The following WWC2 variants were observed in gnomAD, a reference collection of about 807,000 sequenced individuals.
The protein encoded by WWC2 is protein WWC2.
Under a neutral mutation model 138.5 loss-of-function variants are expected in WWC2, and 101 were observed. That is an observed-to-expected ratio of 0.73 (90% CI 0.62 to 0.86). The LOEUF is 0.86. WWC2 is among the 40% of genes least tolerant of loss of function. The probability of loss-of-function intolerance (pLI) is 0.00; values close to 1 mark genes in which losing one functional copy is unlikely to be tolerated. For missense variants in WWC2, 1,420 were observed against 1,419.4 expected (o/e 1.00, Z -0.01); for synonymous variants, 558 against 538.4 (o/e 1.04, Z -0.50).
intron 1 of WWC2, among the ~76,000 whole-genome samples, chr4:183,118,033 C>T (rs879754284): frequency 1.5e-4 from 22 of 151,334 alleles, no homozygotes; most frequent in Admixed American, 2.6e-4. Context: ...CTGCTGACTT[C>T]GTGATCCACC....
At chr4:183,213,530 T>C (rs1735667927) in intron 4 of WWC2, among the ~76,000 whole-genome samples, 1 of 152,236 alleles carries the variant, frequency 6.6e-6, no homozygotes, top group Admixed American at 6.5e-5. Flanking sequence ...GTTGTTTTAC[T>C]GAATTAGTAC....
At chr4:183,288,852 T>G (rs1300214395) in intron 20 of WWC2, among the ~76,000 whole-genome samples, 2 of 152,338 alleles carry the variant, frequency 1.3e-5, no homozygotes, top group East Asian at 3.9e-4. Flanking sequence ...ACTGTCCAGC[T>G]GTATTCAGGC....
At chr4:183,154,787 A>C (rs1389625400) in intron 1 of WWC2, among the ~76,000 whole-genome samples, 1 of 152,180 alleles carries the variant, frequency 6.6e-6, no homozygotes, top group African/African-American at 2.4e-5. Context: ...GATAGTAGAT[A>C]TGCCGTATAG....
At chr4:183,161,884 T>C (rs545247866) in intron 1 of WWC2, among the ~76,000 whole-genome samples, 3 of 152,312 alleles carry the variant, frequency 2.0e-5, no homozygotes, top group African/African-American at 7.2e-5. Flanking sequence ...AACATATAAC[T>C]GTAGTTGACT....
At position 183,188,865 on chromosome 4, in the gene WWC2, C is replaced by T. The variant is rs375040665; in HGVS notation, c.132-4734C>T. Among the ~76,000 whole-genome samples the T allele has an allele frequency of 1.8e-4, 27 of 151,622 alleles. 1 individual carries two copies. In the South Asian group the frequency reaches 2.5e-3, roughly 14 times the overall value. On this transcript the variant is annotated intron_variant, in intron 1 of 22. Coordinates refer to ENST00000403733, the MANE Select transcript of WWC2 (RefSeq NM_024949.6). The stretch of plus-strand genomic sequence containing the variant: ...TTCACCAAGTTGGCCAGGCTGGTCT[C>T]GAACTCCTGACCTCAGGTGATCCGT...
chr4:183,293,291 T>C (rs944765178), intron 21 of WWC2, among the ~76,000 whole-genome samples: 1 of 152,164 alleles, frequency 6.6e-6, no homozygotes, highest in Non-Finnish European at 1.5e-5. Flanking sequence ...ATTAAAAAAA[T>C]ACATGTTGAC....
At chr4:183,164,339 A>G (rs1283662518) in intron 1 of WWC2, among the ~76,000 whole-genome samples, 1 of 816 alleles carries the variant, frequency 1.2e-3, no homozygotes, top group Non-Finnish European at 3.6e-3. Flanking sequence ...ATATATATAC[A>G]TATATATATT....
At chr4:183,299,508 C>T (rs11732891) in intron 21 of WWC2, among the ~76,000 whole-genome samples, 100,820 of 152,096 alleles carry the variant, frequency 0.66, 34,381 homozygotes, top group Non-Finnish European at 0.75. Flanking sequence ...TCTGTGGATA[C>T]ATAAACTGTT....
At position 183,319,390 on chromosome 4, in the gene WWC2, A is replaced by T; in HGVS notation, c.*3661A>T. ...ATTGATTTTGGTCTCAGACTAGAAG[A>T]TAAAAATGGTTTACCAGTCTTGGAA... On this transcript the variant is annotated 3_prime_UTR_variant, in exon 23 of 23. Transcript: ENST00000403733. 1 of 753,396 alleles carries T rather than the reference A, an allele frequency of 1.3e-6. No homozygotes were observed. Among genetic ancestry groups the T allele is most frequent in the Non-Finnish European group, 2.2e-6 (1 of 463,254 alleles). 46.7% of individuals were successfully genotyped at this position (753,396 alleles called of 1,614,324 possible). A position where few individuals can be genotyped will look rare whatever the true frequency, so the allele number is the denominator to read the frequency against.
At chr4:183,308,251 A>G (rs964458265) in intron 21 of WWC2, among the ~76,000 whole-genome samples, 2 of 152,202 alleles carry the variant, frequency 1.3e-5, no homozygotes, top group African/African-American at 4.8e-5. Flanking sequence ...AAAATATTCT[A>G]TGTTTATGTA....
chr4:183,152,559 C>T (rs1014314778), intron 1 of WWC2, among the ~76,000 whole-genome samples: 36 of 149,194 alleles, frequency 2.4e-4, no homozygotes, highest in Middle Eastern at 3.5e-3. Flanking sequence ...CACACACAGG[C>T]GTTCACATGT....
chr4:183,213,147 C>CTGTTGCTGT (rs1735657238), intron 4 of WWC2, among the ~76,000 whole-genome samples: 1 of 152,208 alleles, frequency 6.6e-6, no homozygotes, highest in Non-Finnish European at 1.5e-5. Flanking sequence ...TCCTCACAGA[C>CTGTTGCTGT]TGTGTTGCTG....
chr4:183,208,093 G>T lies in WWC2; in HGVS notation c.382G>T (p.Ala128Ser). Residue 128 changes from alanine (A) to serine (S), a missense_variant, in exon 3 of 23, where the codon GCC (alanine) becomes TCC (serine). Transcript: ENST00000403733. ...YHVKEQRLALALDEYVRLNDA... is the reference protein window; with the variant it reads ...YHVKEQRLALSLDEYVRLNDA... ...TGTGAAGGAGCAGAGGCTGGCGCTG[G>T]CCCTGGATGAATACGTGCGATTAAA... 1 of 1,613,764 alleles carries T rather than the reference G, an allele frequency of 6.2e-7. No homozygotes were observed. Among genetic ancestry groups the T allele is most frequent in the Non-Finnish European group, 8.5e-7 (1 of 1,179,772 alleles).
intron 1 of WWC2, among the ~76,000 whole-genome samples, chr4:183,161,629 C>G (rs1733961637): frequency 6.6e-6 from 1 of 152,136 alleles, no homozygotes; most frequent in Non-Finnish European, 1.5e-5. Context: ...TATTAAAATA[C>G]CATATTTTTA....
intron 14 of WWC2, among the ~76,000 whole-genome samples, chr4:183,268,683 C>A (rs1333806583): frequency 6.6e-6 from 1 of 152,126 alleles, no homozygotes; most frequent in Non-Finnish European, 1.5e-5. Context: ...AATTCGTCTG[C>A]CCTACGGATT....
intron 16 of WWC2, among the ~76,000 whole-genome samples, chr4:183,275,515 T>G (rs1365812107): frequency 6.6e-6 from 1 of 152,180 alleles, no homozygotes; most frequent in Non-Finnish European, 1.5e-5. Flanking sequence ...TTTTCATCAT[T>G]AAAGGCCGTT....
rs200220815 is a variant in WWC2, at chr4:183,315,682, A to G, written c.3532A>G (p.Thr1178Ala). Residue 1178 changes from threonine to alanine, a missense_variant, in exon 23 of 23, where the codon ACC becomes GCC. By Grantham distance (58) the Thr-to-Ala change is moderately conservative. Transcript: ENST00000403733. Reference sequence around the variant, plus strand: ...CTCTAGGGAGAAGATTGCCTACTTCACCAGAGCAAAGATAAGCATCCCATC... The same window carrying G: ...CTCTAGGGAGAAGATTGCCTACTTCGCCAGAGCAAAGATAAGCATCCCATC... ...QSFREKIAYF[T>A]RAKISIPSLP... The G allele has an allele frequency of 6.8e-6, 11 of 1,613,338 alleles. No homozygotes were observed. The East Asian group carries it at 2.5e-4, about 36-fold the overall frequency.
chr4:183,238,255 C>T lies in WWC2; in HGVS notation c.523-1928C>T, dbSNP rs137920535. Among the ~76,000 whole-genome samples, 717 of 152,294 alleles carry T rather than the reference C, an allele frequency of 4.7e-3. 6 individuals carry two copies. Among genetic ancestry groups the T allele is most frequent in the African/African-American group, 0.016 (681 of 41,562 alleles). On this transcript the variant is annotated intron_variant, in intron 4 of 22. Transcript: ENST00000403733. ...CAAAATCCTGATGTGATCTTGGTCA[C>T]ATGCTTTCCCACACCCTCCACGTTG...
chr4:183,181,312 G>A (rs572183831), intron 1 of WWC2, among the ~76,000 whole-genome samples: 3 of 152,146 alleles, frequency 2.0e-5, no homozygotes, highest in African/African-American at 4.8e-5. Flanking sequence ...AGTGCAATAC[G>A]TAAACCTTTA....
Sources: gnomAD v4.1 joint callset for allele counts (sites outside exome capture counted in the v4.1 genomes callset) on GRCh38, gnomAD v4.1.1 for gene constraint, MANE v1.5 for transcripts, NCBI Gene and HGNC (gene_info 2026-07-23, HGNC 2026-07-21) for gene names.